PARK7: variants seen among roughly 807,000 people sequenced by gnomAD.
The protein encoded by PARK7 is Parkinsonism associated deglycase.
A neutral mutation model predicts 20.5 loss-of-function variants in PARK7; 14 were observed. That is an observed-to-expected ratio of 0.68 (90% CI 0.45 to 1.07). The LOEUF (loss-of-function observed/expected upper bound fraction) is 1.07, where lower values mean the gene tolerates loss of function less well. PARK7 is among the 50% of genes least tolerant of loss of function. The probability of loss-of-function intolerance (pLI) is 0.00; values close to 1 mark genes in which losing one functional copy is unlikely to be tolerated. For synonymous variants in PARK7, 98 were observed against 84.3 expected, an observed-to-expected ratio of 1.16 and a Z score of -0.89; for missense variants, 234 against 238.1, an observed-to-expected ratio of 0.98 and a Z score of 0.11.
intron 5 of PARK7, among the ~76,000 whole-genome samples, chr1:7,974,616 G>A (rs1293166590): frequency 6.7e-6 from 1 of 150,364 alleles, no homozygotes; most frequent in African/African-American, 2.4e-5. Context: ...GCGACAGAGT[G>A]AGACTCCATC....
Position 7,964,354 on chromosome 1 carries a change from G to C in PARK7, c.91-970G>C, listed in dbSNP as rs563141777. ...ATAATGTACCCACATCACGTAGTAA[G>C]TACAAAAGCCAGAACTCAGACCCAG... On this transcript the variant is annotated intron_variant, in intron 2 of 6. Coordinates refer to ENST00000338639, the MANE Select transcript of PARK7 (RefSeq NM_007262.5). Among the ~76,000 whole-genome samples, 6 of 152,252 alleles carry C rather than the reference G, an allele frequency of 3.9e-5. No homozygotes were observed. In the South Asian group the frequency reaches 1.2e-3, roughly 32 times the overall value.
chr1:7,982,166 T>A (rs1640726203), intron 6 of PARK7, among the ~76,000 whole-genome samples: 1 of 150,086 alleles, frequency 6.7e-6, no homozygotes, highest in Admixed American at 6.6e-5. Context: ...TTTTTTTTTT[T>A]AGTAGAGGCG....
Position 7,985,019 on chromosome 1 carries a change from G to A in PARK7, c.535G>A (p.Ala179Thr), listed in dbSNP as rs71653622. 6.1e-4 allele frequency: 984 copies of A among 1,614,186 alleles called. No individual in the cohort carries two copies. Among genetic ancestry groups the A allele is most frequent in the East Asian group, 1.1e-3 (50 of 44,882 alleles). ...VEALNGKEVAAQVKAPLVLKD is the reference protein window; with the variant it reads ...VEALNGKEVATQVKAPLVLKD Reference sequence around the variant, plus strand: ...AGCCCTGAATGGCAAGGAGGTGGCGGCTCAAGTGAAGGCTCCACTTGTTCT... The same window carrying A: ...AGCCCTGAATGGCAAGGAGGTGGCGACTCAAGTGAAGGCTCCACTTGTTCT... Residue 179 changes from alanine (A) to threonine (T), a missense_variant, in exon 7 of 7, where the codon GCT becomes ACT. Physicochemically the swap from Ala to Thr is moderately conservative, Grantham distance 58. Coordinates refer to ENST00000338639, the MANE Select transcript of PARK7 (RefSeq NM_007262.5).
rs1640461403 is a variant in PARK7 at position 7,971,364 on chromosome 1, C to T, written c.322+401C>T. On this transcript the variant is annotated intron_variant, in intron 5 of 6. Transcript: ENST00000338639. ...TGCTTGCCCTGCAAATTCAGAAGCC[C>T]CCATGGTGCTTTCCGCTGGCTTCTC... is the stretch of plus-strand genomic sequence containing the variant. 4 of 277,234 alleles carry T rather than the reference C, an allele frequency of 1.4e-5. No homozygotes were observed. The South Asian group carries it at 1.6e-4, about 11-fold the overall frequency. The allele number at this position is 277,234 out of a possible 1,614,324, so 17.2% of individuals were successfully genotyped here. A position where few individuals can be genotyped will look rare whatever the true frequency, so the allele number is the denominator to read the frequency against.
At chr1:7,966,107 T>A (rs1640321632) in intron 3 of PARK7, among the ~76,000 whole-genome samples, 1 of 151,972 alleles carries the variant, frequency 6.6e-6, no homozygotes, top group South Asian at 2.1e-4. Context: ...AGAAACATGC[T>A]CCCCCACAGG....
In PARK7 at chr1:7,962,842, G is replaced by T. The variant is rs777350692; in HGVS notation, c.57G>T (p.Thr19=). 3.7e-6 allele frequency: 6 copies of T among 1,613,094 alleles called. No individual in the cohort carries two copies. Among genetic ancestry groups the T allele is most frequent in the African/African-American group, 1.3e-5 (1 of 74,594 alleles). The change falls in exon 2 of 7, where the codon ACG becomes ACT. Residue 19 remains threonine, a synonymous_variant. Transcript: ENST00000338639. ...CTAAAGGAGCAGAGGAAATGGAGAC[G>T]GTCATCCCTGTAGATGTCATGAGGC... The part of the protein sequence containing the change: ...ILAKGAEEME[T]VIPVDVMRRA...
rs757172943 is a variant in PARK7, at chr1:7,984,973, G to A, written c.489G>A (p.Glu163=). 1 of 1,614,218 alleles carries A rather than the reference G, an allele frequency of 6.2e-7. No individual in the cohort carries two copies. The highest frequency in any genetic ancestry group is 8.5e-7 in the Non-Finnish European group (1 of 1,180,044). ...LTSRGPGTSF[E]FALAIVEALN... ...GCCGGGGGCCTGGGACCAGCTTCGA[G>A]TTTGCGCTTGCAATTGTTGAAGCCC... The change falls in exon 7 of 7, where the codon GAG becomes GAA. Residue 163 remains glutamate (E), a synonymous_variant. Transcript: ENST00000338639. The surrounding 1 kb of genome is among the most constrained non-coding windows in gnomAD (Gnocchi z 4.3).
Position 7,985,199 on chromosome 1 carries a change from T to C in PARK7, c.*145T>C, listed in dbSNP as rs1431681999. 2.8e-6 allele frequency: 3 copies of C among 1,062,198 alleles called. No homozygotes were observed. The Admixed American group carries it at 6.1e-5, about 22-fold the overall frequency. 65.8% of individuals were successfully genotyped at this position (1,062,198 alleles called of 1,614,324 possible). On this transcript the variant is annotated 3_prime_UTR_variant, in exon 7 of 7. Transcript: ENST00000338639. Reference sequence around the variant, plus strand: ...TTTGCGGAAGTATGGAAGTCACAACTACACAGAGATTTCTCAGCCTACAAA... The same window carrying C: ...TTTGCGGAAGTATGGAAGTCACAACCACACAGAGATTTCTCAGCCTACAAA...
At chr1:7,971,178 T>C (rs1250781558) in intron 5 of PARK7, 2 of 612,934 alleles carry the variant, frequency 3.3e-6, no homozygotes, top group Non-Finnish European at 5.9e-6. Flanking sequence ...CTACATGCTG[T>C]GAAACTTAGT....
intron 5 of PARK7, 37 bp downstream of exon 5, chr1:7,971,000 G>T (rs781559495): frequency 6.2e-7 from 1 of 1,606,708 alleles, no homozygotes; most frequent in South Asian, 1.1e-5. Context: ...CAGCGTCATT[G>T]GTGGGTGGGG....
chr1:7,982,269 G>A (rs1465075146), intron 6 of PARK7, among the ~76,000 whole-genome samples: 3 of 151,778 alleles, frequency 2.0e-5, no homozygotes, highest in African/African-American at 7.3e-5. Context: ...TTACCGGCAT[G>A]AGCCACTGCA....
intron 6 of PARK7, among the ~76,000 whole-genome samples, chr1:7,979,247 GT>G (rs1457173429): frequency 2.0e-5 from 3 of 152,218 alleles, no homozygotes; most frequent in South Asian, 4.1e-4. Flanking sequence ...CTAAACTTTA[GT>G]TTTTTAGAGC....
chr1:7,971,414 C>G (rs758977619), intron 5 of PARK7: 13 of 214,052 alleles, frequency 6.1e-5, no homozygotes, highest in Non-Finnish European at 1.1e-4. Context: ...GTCTCAGTAC[C>G]GAGTGATCTT....
chr1:7,974,136 C>CCCT (rs1553123778), intron 5 of PARK7, among the ~76,000 whole-genome samples: 1 of 142,970 alleles, frequency 7.0e-6, no homozygotes, highest in Non-Finnish European at 1.5e-5. Flanking sequence ...ATAGTGAGAC[C>CCCT]CCCCCACCGA....
rs372392694 is a variant in PARK7 at position 7,969,451 on chromosome 1, A to G, written c.252+47A>G. 8,221 of 1,201,422 alleles carry G rather than the reference A, an allele frequency of 6.8e-3. 43 individuals carry two copies. Among genetic ancestry groups the G allele is most frequent in the Middle Eastern group, 0.046 (214 of 4,668 alleles). The allele number at this position is 1,201,422 out of a possible 1,614,324, so 74.4% of individuals were successfully genotyped here. The stretch of plus-strand genomic sequence containing the variant: ...TACCTCAATAAAGCTGGGGGGGGGG[A>G]AAAACTAAAGAATTTCAGCATCTGC... On this transcript the variant is annotated intron_variant, in intron 4 of 6. Coordinates refer to ENST00000338639, the MANE Select transcript of PARK7 (RefSeq NM_007262.5).
intron 5 of PARK7, among the ~76,000 whole-genome samples, chr1:7,976,603 C>G (rs1315875350): frequency 6.6e-6 from 1 of 152,242 alleles, no homozygotes; most frequent in Non-Finnish European, 1.5e-5. Context: ...TCTCACACTT[C>G]CAGGCACTTC....
intron 5 of PARK7, among the ~76,000 whole-genome samples, chr1:7,977,181 CT>C (rs1045241644): frequency 2.0e-5 from 3 of 152,168 alleles, no homozygotes; most frequent in African/African-American, 7.2e-5. Context: ...CTCCTTTGGA[CT>C]CCTGGTATAT....
At chr1:7,969,749 T>C (rs1457563460) in intron 4 of PARK7, among the ~76,000 whole-genome samples, 3 of 152,182 alleles carry the variant, frequency 2.0e-5, no homozygotes, top group Admixed American at 6.5e-5. Flanking sequence ...CCTGCTAATT[T>C]TTATATTTTT....
intron 5 of PARK7, among the ~76,000 whole-genome samples, 171 bp from the exon 6 acceptor site, chr1:7,977,481 G>T (rs1640609639): frequency 6.6e-6 from 1 of 152,086 alleles, no homozygotes; most frequent in East Asian, 1.9e-4. Context: ...TAGAGAAGGG[G>T]TCTGTGTTGC....
Sources: gnomAD v4.1 joint callset for allele counts (sites outside exome capture counted in the v4.1 genomes callset) on GRCh38, gnomAD v4.1.1 for gene constraint, Gnocchi (gnomAD v3.1) non-coding constraint, MANE v1.5 for transcripts, NCBI Gene and HGNC (gene_info 2026-07-23, HGNC 2026-07-21) for gene names.